The following NRG1 variants were observed in gnomAD, a reference collection of about 807,000 sequenced individuals.
The protein encoded by NRG1 is pro-neuregulin-1, membrane-bound isoform.
NRG1 carries 18 observed loss-of-function variants against 63.8 expected under a neutral mutation model. The observed-to-expected ratio is 0.28, with a 90% CI of 0.19 to 0.42. The LOEUF is 0.42. Among genes scored for constraint, NRG1 ranks in the 10% least tolerant of loss-of-function variants. NRG1 has a pLI of 1.00. For missense variants in NRG1, 762 were observed against 814.7 expected, an observed-to-expected ratio of 0.94 and a Z score of 0.79; for synonymous variants, 302 against 301.3, an observed-to-expected ratio of 1.00 and a Z score of -0.02.
chr8:32,662,407 G>C (rs1803095123), intron 5 of NRG1, among the ~76,000 whole-genome samples: 1 of 152,078 alleles, frequency 6.6e-6, no homozygotes, highest in Non-Finnish European at 1.5e-5. Context: ...AGGTGATGAA[G>C]GCCTGATCAG....
chr8:32,141,628 A>ATG (rs1173854044), intron 1 of NRG1, among the ~76,000 whole-genome samples: 1 of 127,464 alleles, frequency 7.8e-6, no homozygotes, highest in Non-Finnish European at 1.6e-5. Flanking sequence ...ATATATATAT[A>ATG]TGAATGATGC....
At chr8:31,974,548 A>T (rs1382252376) in intron 1 of NRG1, among the ~76,000 whole-genome samples, 1 of 152,102 alleles carries the variant, frequency 6.6e-6, no homozygotes, top group East Asian at 1.9e-4. Flanking sequence ...CCTGACTGTC[A>T]GTCTATTCAT....
chr8:31,909,108 C>T (rs1455418177), intron 1 of NRG1, among the ~76,000 whole-genome samples: 2 of 152,084 alleles, frequency 1.3e-5, no homozygotes, highest in African/African-American at 2.4e-5. Flanking sequence ...CACTTTGTGG[C>T]CCTTCATCAT....
chr8:31,821,363 G>A (rs1823989663), intron 1 of NRG1, among the ~76,000 whole-genome samples: 2 of 152,060 alleles, frequency 1.3e-5, no homozygotes, highest in African/African-American at 4.8e-5. Context: ...GAATGCTAAG[G>A]CCAATTCTTT....
At chr8:32,174,751 C>T (rs1439553144) in intron 1 of NRG1, among the ~76,000 whole-genome samples, 5 of 152,044 alleles carry the variant, frequency 3.3e-5, no homozygotes, top group African/African-American at 4.8e-5. Flanking sequence ...ATACATTCCT[C>T]GACACATACA....
intron 1 of NRG1, among the ~76,000 whole-genome samples, chr8:32,479,024 T>G (rs191774270): frequency 2.6e-5 from 4 of 152,312 alleles, no homozygotes; most frequent in South Asian, 2.1e-4. Context: ...GAAGGGGGTG[T>G]GCTTACCTGC....
chr8:31,902,020 T>C (rs143796196), intron 1 of NRG1, among the ~76,000 whole-genome samples: 2,308 of 152,294 alleles, frequency 0.015, 64 homozygotes, highest in South Asian at 0.12. Context: ...TCAATAACTA[T>C]TTACAGATAT....
chr8:31,857,845 A>G (rs1437123863), intron 1 of NRG1, among the ~76,000 whole-genome samples: 2 of 152,196 alleles, frequency 1.3e-5, no homozygotes, highest in African/African-American at 2.4e-5. Flanking sequence ...CACAACATCA[A>G]CAACAAATTT....
chr8:32,500,832 C>A (rs573203188), intron 1 of NRG1, among the ~76,000 whole-genome samples: 1 of 152,236 alleles, frequency 6.6e-6, no homozygotes, highest in African/African-American at 2.4e-5. Context: ...ATCAAAAAGG[C>A]CATAAAAATT....
intron 1 of NRG1, among the ~76,000 whole-genome samples, chr8:31,839,417 GCTT>G (rs1246101230): frequency 2.0e-5 from 3 of 152,092 alleles, no homozygotes; most frequent in Admixed American, 1.3e-4. Flanking sequence ...GTATGCTTGT[GCTT>G]CTTTTTTTCA....
intron 1 of NRG1, among the ~76,000 whole-genome samples, chr8:31,790,464 T>C (rs1329684358): frequency 1.3e-5 from 2 of 152,236 alleles, no homozygotes; most frequent in Non-Finnish European, 2.9e-5. Flanking sequence ...AATCTGGGTA[T>C]GCAGATTTAC....
intron 1 of NRG1, among the ~76,000 whole-genome samples, chr8:32,088,402 A>G (rs13249578): frequency 0.56 from 84,769 of 152,046 alleles, 27,214 homozygotes; most frequent in Non-Finnish European, 0.72. Context: ...TTTTCGAAAT[A>G]TTGTAACTGG....
chr8:32,583,563 T>G (rs1175525871), intron 1 of NRG1, among the ~76,000 whole-genome samples: 1 of 152,204 alleles, frequency 6.6e-6, no homozygotes, highest in East Asian at 1.9e-4. Context: ...AGAGTGCCAG[T>G]GTCTTTAGGG....
intron 1 of NRG1, among the ~76,000 whole-genome samples, chr8:31,840,746 T>C (rs1343779708): frequency 6.6e-6 from 1 of 152,190 alleles, no homozygotes; most frequent in Non-Finnish European, 1.5e-5. Context: ...TCAGTGGATG[T>C]CCTGCAGTCC....
At position 31,877,483 on chromosome 8, in the gene NRG1, A is replaced by ATGTG. The variant is rs34418283; in HGVS notation, c.37+238064_37+238067dup. The stretch of plus-strand genomic sequence containing the variant: ...TCTGTGTCTCTCTCTCCATGTATGT[A>ATGTG]TGTGTGTGTGTGTGTATGAAATAGA... On this transcript the variant is annotated intron_variant, in intron 1 of 10. Coordinates refer to the NRG1 transcript ENST00000519301. Among the ~76,000 whole-genome samples, 105 of 150,922 alleles carry ATGTG rather than the reference A, an allele frequency of 7.0e-4. 1 individual carries two copies. Among genetic ancestry groups the ATGTG allele is most frequent in the African/African-American group, 2.2e-3 (90 of 41,240 alleles).
chr8:32,457,175 G>C (rs913453563), intron 1 of NRG1, among the ~76,000 whole-genome samples: 2 of 152,026 alleles, frequency 1.3e-5, no homozygotes, highest in Non-Finnish European at 2.9e-5. Flanking sequence ...CCTCTTAGAA[G>C]TTTGTCCCTC....
chr8:32,487,068 CAT>C (rs1239351339), intron 1 of NRG1, among the ~76,000 whole-genome samples: 1 of 150,938 alleles, frequency 6.6e-6, no homozygotes, highest in African/African-American at 2.4e-5. Context: ...TAATTAAAAA[CAT>C]ATAAAGTACA....
chr8:31,737,600 A>G (rs1251894978), intron 1 of NRG1, among the ~76,000 whole-genome samples: 1 of 152,158 alleles, frequency 6.6e-6, no homozygotes, highest in Admixed American at 6.6e-5. Context: ...TATGACAAAA[A>G]TCTACCTTTC....
intron 1 of NRG1, among the ~76,000 whole-genome samples, chr8:32,398,270 G>A (rs568557963): frequency 2.6e-5 from 4 of 152,180 alleles, no homozygotes; most frequent in South Asian, 2.1e-4. Context: ...AGCCTTCCAC[G>A]GCTCATAGCT....
Sources: allele counts gnomAD v4.1 joint callset (sites outside exome capture counted in the v4.1 genomes callset), GRCh38; gene constraint gnomAD v4.1.1; transcripts MANE v1.5; gene names NCBI Gene and HGNC (gene_info 2026-07-23, HGNC 2026-07-21).